The following ST7L variants were observed in gnomAD, a reference collection of about 807,000 sequenced individuals.
ST7L encodes the protein suppression of tumorigenicity 7 like.
ST7L carries 57 observed loss-of-function variants against 72.5 expected under a neutral mutation model. The ratio of observed to expected loss-of-function variants is 0.79; its 90% CI spans 0.64 to 0.98. ST7L has a LOEUF of 0.98. Ranked by LOEUF, ST7L falls within the 50% of genes least tolerant of loss-of-function variation. The pLI is 0.00. For synonymous variants in ST7L, 221 were observed against 240.9 expected, an observed-to-expected ratio of 0.92 and a Z score of 0.77; for missense variants, 576 against 672.2, an observed-to-expected ratio of 0.86 and a Z score of 1.58.
chr1:112,563,764 T>C (rs1225355514), intron 11 of ST7L, among the ~76,000 whole-genome samples: 1 of 152,224 alleles, frequency 6.6e-6, no homozygotes, highest in African/African-American at 2.4e-5. Context: ...AAGCCCTATG[T>C]ATGCTTACAC....
At chr1:112,569,622 C>A (rs1175282249) in intron 11 of ST7L, among the ~76,000 whole-genome samples, 1 of 152,062 alleles carries the variant, frequency 6.6e-6, no homozygotes, top group Non-Finnish European at 1.5e-5. Context: ...TGAATTATAT[C>A]CTTTAAAAGT....
chr1:112,598,642 G>A (rs1666859707), intron 4 of ST7L, among the ~76,000 whole-genome samples: 1 of 151,112 alleles, frequency 6.6e-6, no homozygotes, highest in African/African-American at 2.4e-5. Flanking sequence ...ATTGGGAATT[G>A]AGACACAAAA....
chr1:112,528,844 G>C (rs1233691659), intron 14 of ST7L: 1 of 152,154 alleles, frequency 6.6e-6, no homozygotes, highest in African/African-American at 2.4e-5. Context: ...CTGCAAAAGA[G>C]CTTTAGAGAC....
intron 13 of ST7L, among the ~76,000 whole-genome samples, chr1:112,546,339 G>C (rs535656414): frequency 1.3e-5 from 2 of 148,408 alleles, no homozygotes; most frequent in African/African-American, 2.5e-5. Context: ...AAAAAAAAGA[G>C]AGAAAAGAAA....
chr1:112,563,881 A>G (rs1660548471), intron 11 of ST7L, among the ~76,000 whole-genome samples: 1 of 152,200 alleles, frequency 6.6e-6, no homozygotes, highest in Non-Finnish European at 1.5e-5. Context: ...CAAAAGCAAT[A>G]TAATTCTGAC....
At chr1:112,520,477 C>T, downstream of ST7L, 1 of 1,614,146 alleles carries the variant, frequency 6.2e-7, no homozygotes, top group South Asian at 1.1e-5. Context: ...TTGCAAAGCC[C>T]CCAAGAAGGC....
intron 9 of ST7L, among the ~76,000 whole-genome samples, chr1:112,578,773 T>C (rs1319513349): frequency 6.6e-6 from 1 of 151,194 alleles, no homozygotes; most frequent in Admixed American, 6.6e-5. Context: ...AAACTCCGTC[T>C]CCAAAAAAAA....
chr1:112,540,260 C>T, intron 14 of ST7L: 1 of 985,404 alleles, frequency 1.0e-6, no homozygotes, highest in African/African-American at 1.7e-5. Flanking sequence ...ATCATCTCTC[C>T]CATTGCTTGC....
At chr1:112,565,205 C>T (rs542657443) in intron 11 of ST7L, among the ~76,000 whole-genome samples, 31 of 118,692 alleles carry the variant, frequency 2.6e-4, no homozygotes, top group South Asian at 5.5e-4. Context: ...CCACCATGTT[C>T]GGCTAATTTT....
At chr1:112,598,534 G>A (rs1047414501) in intron 4 of ST7L, among the ~76,000 whole-genome samples, 2 of 150,960 alleles carry the variant, frequency 1.3e-5, no homozygotes, top group African/African-American at 4.9e-5. Flanking sequence ...AGGATCACTT[G>A]AGCCCAAGAG....
Position 112,612,451 on chromosome 1 carries a change from A to G in ST7L, c.289-1448T>C, listed in dbSNP as rs571045574. ...ACTATGACCACAAACAGAACCCATC[A>G]CAAAAAAATCAGCATTTTCAAATCT... On this transcript the variant is annotated intron_variant, in intron 2 of 14. Coordinates refer to ENST00000358039, the MANE Select transcript of ST7L (RefSeq NM_017744.5). 4.6e-5 allele frequency among the ~76,000 whole-genome samples: 7 copies of G among 152,278 alleles called. No individual in the cohort carries two copies. The East Asian group carries it at 1.4e-3, about 29-fold the overall frequency.
chr1:112,567,681 T>G (rs753231100), intron 11 of ST7L, among the ~76,000 whole-genome samples: 12 of 152,212 alleles, frequency 7.9e-5, no homozygotes, highest in Non-Finnish European at 1.8e-4. Flanking sequence ...GATATCCAGA[T>G]GTTCTAGTAC....
At chr1:112,549,308 G>A (rs557503279) in intron 13 of ST7L, among the ~76,000 whole-genome samples, 2 of 152,184 alleles carry the variant, frequency 1.3e-5, no homozygotes, top group Admixed American at 6.5e-5. Context: ...CACAAGAATC[G>A]CCTGAACCCA....
intron 4 of ST7L, among the ~76,000 whole-genome samples, chr1:112,599,110 ATG>A (rs1327113059): frequency 1.9e-4 from 14 of 75,142 alleles, no homozygotes; most frequent in East Asian, 3.9e-4. Context: ...ATATATATAT[ATG>A]TGGATGTGTG....
chr1:112,594,679 T>C (rs1054654805), intron 5 of ST7L, among the ~76,000 whole-genome samples: 2 of 152,164 alleles, frequency 1.3e-5, no homozygotes, highest in Non-Finnish European at 2.9e-5. Flanking sequence ...CAGATGGTTG[T>C]CATGGGGAGG....
intron 10 of ST7L, 93 bp from the exon 11 acceptor site, chr1:112,577,181 G>T (rs28367001): frequency 4.6e-6 from 3 of 651,490 alleles, no homozygotes; most frequent in South Asian, 3.8e-5. Context: ...TGAATCAAAA[G>T]AAGTTTCTGG....
chr1:112,579,753 A>C (rs550738431), intron 9 of ST7L, among the ~76,000 whole-genome samples: 1 of 152,326 alleles, frequency 6.6e-6, no homozygotes, highest in East Asian at 1.9e-4. Context: ...ATTTGCTTTC[A>C]ACTTCCTCCA....
chr1:112,543,868 CAAA>C (rs11418345), intron 13 of ST7L, among the ~76,000 whole-genome samples: 1 of 59,442 alleles, frequency 1.7e-5, no homozygotes, highest in Non-Finnish European at 3.2e-5. Context: ...GACTCTATCT[CAAA>C]AAAAAAAAAA....
chr1:112,529,804 C>T (rs188817836), intron 14 of ST7L: 62 of 147,438 alleles, frequency 4.2e-4, no homozygotes, highest in Non-Finnish European at 6.3e-4. Context: ...CAACCAAGTT[C>T]TATGGAGGTG....
Sources: allele counts gnomAD v4.1 joint callset (sites outside exome capture counted in the v4.1 genomes callset), GRCh38; gene constraint gnomAD v4.1.1; transcripts MANE v1.5; gene names NCBI Gene and HGNC (gene_info 2026-07-23, HGNC 2026-07-21).